VRTN: variants seen among roughly 807,000 people sequenced by gnomAD.
VRTN encodes the protein vertnin.
VRTN carries 5 observed loss-of-function variants against 18.2 expected under a neutral mutation model. That is an observed-to-expected ratio of 0.27 (90% CI 0.14 to 0.58). The LOEUF is 0.58. Ranked by LOEUF, VRTN falls within the 20% of genes least tolerant of loss-of-function variation. The pLI is 0.91. For synonymous variants in VRTN, 381 were observed against 393.7 expected (o/e 0.97, Z 0.38); for missense variants, 741 against 939.4 (o/e 0.79, Z 2.76).
chr14:74,314,434 T>C (rs1231393389), intron 1 of VRTN, among the ~76,000 whole-genome samples: 2 of 142,100 alleles, frequency 1.4e-5, no homozygotes, highest in African/African-American at 2.7e-5. Flanking sequence ...TCTCACACTG[T>C]GGCCCAGGCT....
chr14:74,359,001 G>A lies in VRTN; in HGVS notation c.*109G>A. 5.5e-6 allele frequency: 8 copies of A among 1,461,330 alleles called. No individual in the cohort carries two copies. The highest frequency in any genetic ancestry group is 7.2e-6 in the Non-Finnish European group (8 of 1,104,394). The allele number at this position is 1,461,330 out of a possible 1,614,324, so 90.5% of individuals were successfully genotyped here. On this transcript the variant is annotated 3_prime_UTR_variant, in exon 2 of 2. Coordinates refer to ENST00000256362, the MANE Select transcript of VRTN (RefSeq NM_018228.3). ...GATGTCCTTTGCTCTGGGTCCCACA[G>A]TGTCTACCCTAAGTCCAAGGGTATA... is the stretch of plus-strand genomic sequence containing the variant.
chr14:74,339,974 T>C (rs1178740943), intron 2 of VRTN, among the ~76,000 whole-genome samples: 1 of 152,134 alleles, frequency 6.6e-6, no homozygotes, highest in African/African-American at 2.4e-5. Flanking sequence ...CTCACTCTGC[T>C]GCCCAGGCTA....
intron 1 of VRTN, among the ~76,000 whole-genome samples, chr14:74,320,617 T>C (rs1284957710): frequency 1.4e-3 from 120 of 88,004 alleles, no homozygotes; most frequent in Middle Eastern, 0.012. Flanking sequence ...GACGGAGTCT[T>C]GCTCTGTCAC....
rs199975094 is a variant in VRTN, at chr14:74,357,260, C to G, written c.477C>G (p.Ala159=). The G allele has an allele frequency of 6.2e-7, 1 of 1,613,736 alleles. No individual in the cohort carries two copies. Among genetic ancestry groups the G allele is most frequent in the Non-Finnish European group, 8.5e-7 (1 of 1,179,826 alleles). Residue 159 remains alanine, a synonymous_variant, in exon 2 of 2, where the codon GCC becomes GCG. Transcript: ENST00000256362. This position sits in a 1 kb window ranked among gnomAD's most constrained non-coding sequence, Gnocchi z 7.8. ...PPATLEAIFD[A]DVKASCFPSS... ...CCACGCTGGAGGCCATCTTCGATGC[C>G]GACGTCAAGGCCTCCTGTTTCCCCA...
chr14:74,334,585 C>A (rs2085551241), intron 1 of VRTN, among the ~76,000 whole-genome samples: 1 of 152,094 alleles, frequency 6.6e-6, no homozygotes, highest in Non-Finnish European at 1.5e-5. Flanking sequence ...GACCCTGAGT[C>A]TGAGAGAACT....
intron 1 of VRTN, among the ~76,000 whole-genome samples, chr14:74,337,179 C>T (rs2085570258): frequency 6.6e-6 from 1 of 151,932 alleles, no homozygotes; most frequent in Non-Finnish European, 1.5e-5. Flanking sequence ...CCAGTCTCTA[C>T]TAAAAATACA....
intron 1 of VRTN, among the ~76,000 whole-genome samples, chr14:74,312,248 T>A (rs1279808016): frequency 6.6e-6 from 1 of 152,214 alleles, no homozygotes; most frequent in African/African-American, 2.4e-5. Context: ...ATGCTGCAAT[T>A]AACATCTTTG....
intron 1 of VRTN, among the ~76,000 whole-genome samples, chr14:74,314,940 T>C (rs2085410611): frequency 6.6e-6 from 1 of 152,176 alleles, no homozygotes; most frequent in African/African-American, 2.4e-5. Flanking sequence ...GTCAGAATTT[T>C]ATGGCCAGCT....
intron 1 of VRTN, chr14:74,305,330 CAAA>C (rs71115979): frequency 2.1e-4 from 26 of 122,672 alleles, no homozygotes; most frequent in Admixed American, 5.3e-4. Context: ...GAGACTGTTT[CAAA>C]AAAAAAAAAA....
intron 1 of VRTN, among the ~76,000 whole-genome samples, chr14:74,320,647 C>T (rs1258545862): frequency 1.0e-4 from 12 of 116,044 alleles, no homozygotes; most frequent in East Asian, 2.9e-4. Context: ...AGTGCAGTGG[C>T]GTGATCTCGG....
rs148292483 is a variant in VRTN, at chr14:74,358,715, C to T, written c.1932C>T (p.Asp644=). ...GGRDGRMLVM[D]MIATTKFKAQ... ...GGGATGGCCGGATGCTGGTGATGGACATGATCGCTACCACGAAGTTCAAGG... is the reference window on the plus strand; with the variant it reads ...GGGATGGCCGGATGCTGGTGATGGATATGATCGCTACCACGAAGTTCAAGG... Residue 644 remains aspartate (D), a synonymous_variant, in exon 2 of 2, where the codon GAC becomes GAT. Coordinates refer to ENST00000256362, the MANE Select transcript of VRTN (RefSeq NM_018228.3). This position sits in a 1 kb window ranked among gnomAD's most constrained non-coding sequence, Gnocchi z 5.4. 79 of 1,614,054 alleles carry T rather than the reference C, an allele frequency of 4.9e-5. 1 individual carries two copies. The highest frequency in any genetic ancestry group is 6.4e-5 in the Non-Finnish European group (75 of 1,180,036).
In VRTN at chr14:74,356,793, C is replaced by T. The variant is rs765470705; in HGVS notation, c.10C>T (p.Arg4Trp). ...CTTTTGCCCTGGCAGGATGACTTCT[C>T]GGAACCAGCTGGTGCAGAAGGTGCT... is the stretch of plus-strand genomic sequence containing the variant. MTS[R>W]NQLVQKVLQE... Residue 4 changes from arginine (R) to tryptophan (W), a missense_variant, in exon 2 of 2, where the codon CGG (arginine) becomes TGG (tryptophan). Around this residue, in one of 3 missense-constraint regions of VRTN, gnomAD observed 186 missense variants for 288.3 expected, o/e 0.65. Coordinates refer to ENST00000256362, the MANE Select transcript of VRTN (RefSeq NM_018228.3). 5.7e-6 allele frequency: 9 copies of T among 1,589,060 alleles called. No individual in the cohort carries two copies. Among genetic ancestry groups the T allele is most frequent in the Admixed American group, 1.8e-5 (1 of 56,288 alleles).
chr14:74,310,868 T>TG (rs1164364239), intron 1 of VRTN, among the ~76,000 whole-genome samples: 7 of 151,396 alleles, frequency 4.6e-5, no homozygotes, highest in Admixed American at 2.0e-4. Flanking sequence ...AAAAAAAATT[T>TG]GGGGGGGTAA....
chr14:74,322,440 G>T (rs1165472401), intron 1 of VRTN, among the ~76,000 whole-genome samples: 2 of 152,108 alleles, frequency 1.3e-5, no homozygotes, highest in Admixed American at 1.3e-4. Flanking sequence ...ATGAGCCACT[G>T]CACCTGGCCT....
At position 74,358,509 on chromosome 14, in the gene VRTN, C is replaced by G; in HGVS notation, c.1726C>G (p.Gln576Glu). 1 of 1,613,760 alleles carries G rather than the reference C, an allele frequency of 6.2e-7. No homozygotes were observed. The highest frequency in any genetic ancestry group is 8.5e-7 in the Non-Finnish European group (1 of 1,179,664). The change falls in exon 2 of 2, where the codon CAG becomes GAG. Residue 576 changes from glutamine (Q) to glutamate (E), a missense_variant. Transcript: ENST00000256362. The surrounding 1 kb of genome is among the most constrained non-coding windows in gnomAD (Gnocchi z 5.4). The part of the protein sequence containing the change: ...GKGGQEAEEK[Q>E]EKEAGRDVTA... The stretch of plus-strand genomic sequence containing the variant: ...AGGGGGGCAGGAGGCTGAGGAGAAG[C>G]AGGAGAAGGAGGCTGGCAGGGATGT...
At chr14:74,331,545 TATATATATATATATATATATATATA>T (rs1454594876) in intron 1 of VRTN, among the ~76,000 whole-genome samples, 53 of 7,568 alleles carry the variant, frequency 7.0e-3, no homozygotes, top group African/African-American at 0.025. Context: ...AAAAAAATTT[TATATATATATATATATATATATATA>T]TATATATATA....
intron 1 of VRTN, among the ~76,000 whole-genome samples, chr14:74,352,909 A>G (rs2085696093): frequency 6.6e-6 from 1 of 152,234 alleles, no homozygotes; most frequent in Non-Finnish European, 1.5e-5. Flanking sequence ...TTGCAACTGA[A>G]CAATAAAAAC....
chr14:74,330,791 T>A (rs1173931321), intron 1 of VRTN, among the ~76,000 whole-genome samples: 1 of 151,912 alleles, frequency 6.6e-6, no homozygotes, highest in Non-Finnish European at 1.5e-5. Flanking sequence ...AGTTGACCAC[T>A]TGACTCTAGC....
intron 1 of VRTN, among the ~76,000 whole-genome samples, chr14:74,330,942 G>A (rs917254819): frequency 2.0e-5 from 3 of 150,498 alleles, no homozygotes; most frequent in Non-Finnish European, 4.4e-5. Flanking sequence ...GCTCACGCCT[G>A]TAATCCCAGC....
Sources: allele counts gnomAD v4.1 joint callset (sites outside exome capture counted in the v4.1 genomes callset), GRCh38; gene constraint gnomAD v4.1.1; regional missense constraint gnomAD v4.1.1; non-coding constraint Gnocchi (gnomAD v3.1); transcripts MANE v1.5; gene names NCBI Gene and HGNC (gene_info 2026-07-23, HGNC 2026-07-21).